Variants in TENM3 observed in about 807,000 individuals in gnomAD.
TENM3 encodes the protein teneurin-3.
TENM3 carries 63 observed loss-of-function variants against 255.1 expected under a neutral mutation model. The ratio of observed to expected loss-of-function variants is 0.25; its 90% confidence interval spans 0.20 to 0.30. TENM3 has a LOEUF of 0.30. Among genes scored for constraint, TENM3 ranks in the 10% least tolerant of loss-of-function variants. The pLI, the probability that TENM3 is intolerant of heterozygous loss-of-function variation, is 1.00. For missense variants in TENM3, 2,929 were observed against 3,461.1 expected, an observed-to-expected ratio of 0.85 and a Z score of 3.86; for synonymous variants, 1,306 against 1,322.3, an observed-to-expected ratio of 0.99 and a Z score of 0.27.
At chr4:182,158,078 G>A (rs1750835809) in intron 1 of TENM3, among the ~76,000 whole-genome samples, 1 of 152,190 alleles carries the variant, frequency 6.6e-6, no homozygotes. Context: ...TAGCCTCAGA[G>A]TCAGAGACAC....
intron 3 of TENM3, among the ~76,000 whole-genome samples, chr4:182,550,102 AT>A: frequency 6.6e-6 from 1 of 152,372 alleles, no homozygotes; most frequent in African/African-American, 2.4e-5. Context: ...CATTTTAAAC[AT>A]TAACCAAGAT....
At chr4:182,276,177 C>T (rs1244825064) in intron 1 of TENM3, among the ~76,000 whole-genome samples, 1 of 152,114 alleles carries the variant, frequency 6.6e-6, no homozygotes, top group East Asian at 1.9e-4. Context: ...TGGTGTGATC[C>T]TGGAACAGAA....
chr4:181,875,653 T>C, the TENM3 span, among the ~76,000 whole-genome samples: 1 of 152,166 alleles, frequency 6.6e-6, no homozygotes, highest in Non-Finnish European at 1.5e-5. Flanking sequence ...TTTCCTGCCA[T>C]GTTTGATGGA....
At chr4:181,517,189 A>G in the TENM3 span, among the ~76,000 whole-genome samples, 1 of 152,098 alleles carries the variant, frequency 6.6e-6, no homozygotes, top group Non-Finnish European at 1.5e-5. Flanking sequence ...AAGAGATGGA[A>G]GGGAGGACAA....
intron 17 of TENM3, 109 bp downstream of exon 17, chr4:182,737,184 A>G (rs1001186117): frequency 8.4e-7 from 1 of 1,193,026 alleles, no homozygotes; most frequent in African/African-American, 1.5e-5. Context: ...TATAAAGAGA[A>G]TAAGGTTGTC....
chr4:181,681,611 A>C, the TENM3 span, among the ~76,000 whole-genome samples: 1 of 152,102 alleles, frequency 6.6e-6, no homozygotes, highest in African/African-American at 2.4e-5. Flanking sequence ...TCTTCACTCC[A>C]CCAAAAATAT....
At chr4:182,582,655 T>C (rs1745609988) in intron 3 of TENM3, among the ~76,000 whole-genome samples, 1 of 152,186 alleles carries the variant, frequency 6.6e-6, no homozygotes, top group Admixed American at 6.5e-5. Flanking sequence ...TAAGTCCTTT[T>C]TTTAAAAAAG....
intron 4 of TENM3, among the ~76,000 whole-genome samples, chr4:182,610,800 G>A (rs1748924635): frequency 6.7e-6 from 1 of 148,380 alleles, no homozygotes; most frequent in Non-Finnish European, 1.5e-5. Context: ...CTGGAATGCA[G>A]TGGTATGATC....
At chr4:182,200,918 G>C (rs144261306) in intron 1 of TENM3, among the ~76,000 whole-genome samples, 1 of 144,594 alleles carries the variant, frequency 6.9e-6, no homozygotes, top group Non-Finnish European at 1.5e-5. Context: ...TCCACCTCCC[G>C]GGTTCCAGTG....
chr4:181,945,805 C>T, the TENM3 span, among the ~76,000 whole-genome samples: 1 of 152,060 alleles, frequency 6.6e-6, no homozygotes, highest in African/African-American at 2.4e-5. Context: ...CCAAAGGTAA[C>T]GAGGGTAATC....
chr4:181,766,934 T>A, the TENM3 span, among the ~76,000 whole-genome samples: 1 of 152,030 alleles, frequency 6.6e-6, no homozygotes, highest in Non-Finnish European at 1.5e-5. Flanking sequence ...GAGATATTTT[T>A]AAAAATAGAA....
chr4:181,648,095 T>C, the TENM3 span, among the ~76,000 whole-genome samples: 1 of 152,122 alleles, frequency 6.6e-6, no homozygotes. Flanking sequence ...AGGTGTATGA[T>C]GGGGGACTTG....
chr4:181,763,068 G>C, the TENM3 span, among the ~76,000 whole-genome samples: 1 of 152,168 alleles, frequency 6.6e-6, no homozygotes, highest in African/African-American at 2.4e-5. Context: ...GCAAGTGGAT[G>C]ATGATTGATG....
intron 13 of TENM3, among the ~76,000 whole-genome samples, chr4:182,727,588 C>T (rs1015187765): frequency 1.3e-5 from 2 of 152,046 alleles, no homozygotes; most frequent in Non-Finnish European, 2.9e-5. Flanking sequence ...AAACAGGATA[C>T]TTGCATGGGC....
intron 3 of TENM3, among the ~76,000 whole-genome samples, chr4:182,509,111 A>G (rs1211023508): frequency 3.3e-5 from 5 of 152,220 alleles, no homozygotes; most frequent in Non-Finnish European, 7.3e-5. Context: ...GACTGTGATA[A>G]TCTAGCAGGG....
chr4:182,148,006 A>G (rs989898246), intron 1 of TENM3, among the ~76,000 whole-genome samples: 1 of 152,160 alleles, frequency 6.6e-6, no homozygotes, highest in Middle Eastern at 3.2e-3. Flanking sequence ...CCTGATGGAA[A>G]TTTTGTGCTT....
the TENM3 span, among the ~76,000 whole-genome samples, chr4:182,084,663 A>G: frequency 1.3e-5 from 2 of 152,218 alleles, no homozygotes; most frequent in African/African-American, 4.8e-5. Flanking sequence ...ATCATGATAG[A>G]GTATAAGTAG....
At chr4:181,833,612 T>C in the TENM3 span, among the ~76,000 whole-genome samples, 1 of 152,140 alleles carries the variant, frequency 6.6e-6, no homozygotes, top group Non-Finnish European at 1.5e-5. Flanking sequence ...TCATGACAAA[T>C]TCACACCTTT....
At chr4:182,072,439 CCA>C in the TENM3 span, among the ~76,000 whole-genome samples, 1 of 152,146 alleles carries the variant, frequency 6.6e-6, no homozygotes, top group South Asian at 2.1e-4. Flanking sequence ...CTTCCAGCCT[CCA>C]AAGGGTAGGC....
Sources: gnomAD v4.1 joint callset for allele counts (sites outside exome capture counted in the v4.1 genomes callset) on GRCh38, gnomAD v4.1.1 for gene constraint, MANE v1.5 for transcripts, NCBI Gene and HGNC (gene_info 2026-07-23, HGNC 2026-07-21) for gene names.